Variants in RAD51B observed in about 807,000 individuals in gnomAD.
The protein encoded by RAD51B is DNA repair protein RAD51 homolog 2.
Under a neutral mutation model 42.2 loss-of-function variants are expected in RAD51B, and 38 were observed. That is an observed-to-expected ratio of 0.90 (90% CI 0.70 to 1.18). The LOEUF (loss-of-function observed/expected upper bound fraction) is 1.18. Among genes scored for constraint, RAD51B ranks in the 50% most tolerant of loss-of-function variants. The probability of loss-of-function intolerance (pLI) is 0.00; values close to 1 mark genes in which losing one functional copy is unlikely to be tolerated. For missense variants in RAD51B, 373 were observed against 400.7 expected, an observed-to-expected ratio of 0.93 and a Z score of 0.59; for synonymous variants, 154 against 145.2, an observed-to-expected ratio of 1.06 and a Z score of -0.43.
intron 8 of RAD51B, among the ~76,000 whole-genome samples, chr14:68,324,190 A>G (rs2082207155): frequency 6.6e-6 from 1 of 152,214 alleles, no homozygotes; most frequent in African/African-American, 2.4e-5. Context: ...GTTCTCAAGT[A>G]ATCTCTTGTT....
intron 10 of RAD51B, among the ~76,000 whole-genome samples, chr14:68,547,568 C>T (rs561331157): frequency 1.1e-4 from 17 of 152,272 alleles, no homozygotes; most frequent in East Asian, 3.9e-4. Flanking sequence ...GGTGAACCTC[C>T]GGGGCAGGAG....
At chr14:68,055,146 G>A (rs1404212374) in intron 7 of RAD51B, among the ~76,000 whole-genome samples, 1 of 152,104 alleles carries the variant, frequency 6.6e-6, no homozygotes, top group Admixed American at 6.5e-5. Flanking sequence ...ATCTAAACAT[G>A]TAATCATTTG....
intron 10 of RAD51B, among the ~76,000 whole-genome samples, chr14:68,529,254 T>G (rs1434096177): frequency 6.6e-6 from 1 of 152,224 alleles, no homozygotes; most frequent in Admixed American, 6.5e-5. Context: ...TGGAGTGCAG[T>G]GGCACAATCT....
chr14:68,091,521 T>C (rs1268055561), intron 7 of RAD51B, among the ~76,000 whole-genome samples: 2 of 152,256 alleles, frequency 1.3e-5, no homozygotes, highest in Non-Finnish European at 2.9e-5. Context: ...TGTCTGTTCA[T>C]ATCCTTCACC....
At chr14:68,648,006 TATATATATATATATAC>T (rs201649692) in intron 10 of RAD51B, among the ~76,000 whole-genome samples, 2,577 of 95,550 alleles carry the variant, frequency 0.027, 125 homozygotes, top group African/African-American at 0.087. Context: ...AAATTGAGCA[TATATATATATATATAC>T]GTATATATAT....
rs1394799660 is a variant in RAD51B, at chr14:68,565,505, T to C, written c.1037-28980T>C. ...ACTCTGTCTCAAAAAAAAAAGAAGT[T>C]CTTTCTTACATTGAGGTGGAATCTG... On this transcript the variant is annotated intron_variant, in intron 10 of 10. Coordinates refer to the RAD51B transcript ENST00000487270. The surrounding 1 kb of genome is among the most constrained non-coding windows in gnomAD (Gnocchi z 4.1). Among the ~76,000 whole-genome samples the C allele has an allele frequency of 2.0e-5, 3 of 152,092 alleles. No homozygotes were observed. Among genetic ancestry groups the C allele is most frequent in the Non-Finnish European group, 4.4e-5 (3 of 68,024 alleles).
intron 7 of RAD51B, among the ~76,000 whole-genome samples, chr14:67,976,883 A>G (rs914852290): frequency 4.6e-5 from 7 of 152,132 alleles, no homozygotes; most frequent in African/African-American, 1.7e-4. Flanking sequence ...AAAACAAACA[A>G]CCTCATCAAC....
Position 68,547,549 on chromosome 14 carries a change from G to A in RAD51B, c.1037-46936G>A, listed in dbSNP as rs144926437. ...ACTCCTCAGCACCCGGGAGCATCAC[G>A]GAATCTAAGGTGAACCTCCGGGGCA... On this transcript the variant is annotated intron_variant, in intron 10 of 10. Coordinates refer to the RAD51B transcript ENST00000487270. Among the ~76,000 whole-genome samples the A allele has an allele frequency of 5.3e-4, 81 of 152,318 alleles. 4 individuals carry two copies. The East Asian group carries it at 0.015, about 29-fold the overall frequency.
chr14:68,011,661 T>C (rs112473484), intron 7 of RAD51B, among the ~76,000 whole-genome samples: 124 of 152,224 alleles, frequency 8.1e-4, no homozygotes, highest in African/African-American at 2.9e-3. Context: ...AGGTACTGGC[T>C]GTACCAGTTC....
At chr14:68,066,434 A>G (rs2076651384) in intron 7 of RAD51B, among the ~76,000 whole-genome samples, 1 of 152,220 alleles carries the variant, frequency 6.6e-6, no homozygotes, top group Non-Finnish European at 1.5e-5. Flanking sequence ...CTATTTTTAA[A>G]CTAACATTGT....
At chr14:68,181,922 T>G (rs746763963) in intron 7 of RAD51B, among the ~76,000 whole-genome samples, 1 of 152,244 alleles carries the variant, frequency 6.6e-6, no homozygotes, top group South Asian at 2.1e-4. Flanking sequence ...TAATTTCAAC[T>G]GGCTTTAAGA....
intron 10 of RAD51B, among the ~76,000 whole-genome samples, chr14:68,585,344 T>G (rs1004395937): frequency 2.0e-5 from 3 of 152,222 alleles, no homozygotes; most frequent in African/African-American, 7.2e-5. Context: ...CGGCTCCTTT[T>G]GCTGCCAATC....
At chr14:68,198,334 G>T (rs902335506) in intron 7 of RAD51B, among the ~76,000 whole-genome samples, 2 of 152,080 alleles carry the variant, frequency 1.3e-5, no homozygotes, top group African/African-American at 4.8e-5. Context: ...TGTTGCTTAG[G>T]CTCTGAGGCT....
At chr14:68,604,881 C>A (rs982481000) in intron 10 of RAD51B, among the ~76,000 whole-genome samples, 1 of 152,096 alleles carries the variant, frequency 6.6e-6, no homozygotes, top group Non-Finnish European at 1.5e-5. Context: ...GTCTTTTCTT[C>A]GGAGAGTGAC....
At chr14:68,446,808 A>T (rs2085432159) in intron 9 of RAD51B, among the ~76,000 whole-genome samples, 1 of 152,224 alleles carries the variant, frequency 6.6e-6, no homozygotes, top group Admixed American at 6.5e-5. Context: ...CCCTGGATCC[A>T]ACTGTGCCTC....
intron 7 of RAD51B, among the ~76,000 whole-genome samples, chr14:68,237,500 G>C (rs139998103): frequency 6.6e-6 from 1 of 152,208 alleles, no homozygotes; most frequent in Non-Finnish European, 1.5e-5. Flanking sequence ...TCCCTGAGTT[G>C]TGTAACTATT....
At chr14:68,146,776 G>A (rs548575204) in intron 7 of RAD51B, among the ~76,000 whole-genome samples, 4 of 152,218 alleles carry the variant, frequency 2.6e-5, no homozygotes, top group African/African-American at 9.6e-5. Context: ...ACACTCTTAG[G>A]GTTTTTTTTA....
At chr14:68,429,871 A>T (rs2084954777) in intron 9 of RAD51B, among the ~76,000 whole-genome samples, 1 of 150,792 alleles carries the variant, frequency 6.6e-6, no homozygotes, top group African/African-American at 2.5e-5. Context: ...TAGGGTTTTT[A>T]TGGTTTTAGG....
At chr14:68,026,468 G>T (rs1053463213) in intron 7 of RAD51B, among the ~76,000 whole-genome samples, 10 of 151,422 alleles carry the variant, frequency 6.6e-5, no homozygotes, top group African/African-American at 2.4e-4. Flanking sequence ...CTCTATTTTT[G>T]TTTAGCTGTC....
Sources: allele counts gnomAD v4.1 joint callset (sites outside exome capture counted in the v4.1 genomes callset), GRCh38; gene constraint gnomAD v4.1.1; non-coding constraint Gnocchi (gnomAD v3.1); transcripts MANE v1.5; gene names NCBI Gene and HGNC (gene_info 2026-07-23, HGNC 2026-07-21).